HCN1: variants seen among roughly 807,000 people sequenced by gnomAD.
HCN1 encodes the protein hyperpolarization activated cyclic nucleotide gated potassium channel 1.
HCN1 carries 13 observed loss-of-function variants against 78.9 expected under a neutral mutation model. That is an observed-to-expected ratio of 0.16 (90% CI 0.11 to 0.26). HCN1 has a LOEUF of 0.26. Among genes scored for constraint, HCN1 ranks in the 10% least tolerant of loss-of-function variants. The probability of loss-of-function intolerance (pLI) is 1.00; values close to 1 mark genes in which losing one functional copy is unlikely to be tolerated. For synonymous variants in HCN1, 552 were observed against 455.5 expected (o/e 1.21, Z -2.70); for missense variants, 810 against 1,154.3 (o/e 0.70, Z 4.32).
chr5:45,330,817 T>C (rs970349998), intron 5 of HCN1, among the ~76,000 whole-genome samples: 1 of 151,094 alleles, frequency 6.6e-6, no homozygotes, highest in Admixed American at 6.6e-5. Flanking sequence ...TTCAAATATA[T>C]TTTTACCTCA....
At chr5:45,473,911 T>G (rs1741460333) in intron 2 of HCN1, among the ~76,000 whole-genome samples, 1 of 151,926 alleles carries the variant, frequency 6.6e-6, no homozygotes, top group Non-Finnish European at 1.5e-5. Context: ...AATTAAAAAT[T>G]TGTAAGCCAC....
intron 1 of HCN1, among the ~76,000 whole-genome samples, chr5:45,678,404 CATTATT>C (rs1289420230): frequency 1.3e-5 from 2 of 151,870 alleles, no homozygotes. Context: ...AATTGTAATC[CATTATT>C]ATTATAATAA....
intron 3 of HCN1, among the ~76,000 whole-genome samples, chr5:45,445,758 G>GT (rs1740780116): frequency 1.3e-5 from 2 of 152,150 alleles, no homozygotes; most frequent in Admixed American, 1.3e-4. Context: ...AGACACCGCT[G>GT]CTGATACCCA....
chr5:45,532,500 AT>A (rs1383655860), intron 2 of HCN1, among the ~76,000 whole-genome samples: 1 of 152,180 alleles, frequency 6.6e-6, no homozygotes, highest in Non-Finnish European at 1.5e-5. Context: ...TTTACAGTCA[AT>A]TTTTTAACTA....
At chr5:45,274,710 T>G (rs1344258798) in intron 6 of HCN1, among the ~76,000 whole-genome samples, 2 of 152,204 alleles carry the variant, frequency 1.3e-5, no homozygotes, top group East Asian at 3.8e-4. Flanking sequence ...TTTCACCATC[T>G]CATAAACAAT....
chr5:45,408,040 GAA>G (rs925371912), intron 3 of HCN1, among the ~76,000 whole-genome samples: 1 of 152,046 alleles, frequency 6.6e-6, no homozygotes, highest in Non-Finnish European at 1.5e-5. Context: ...TACAGGGAAA[GAA>G]AATATTTTTA....
At chr5:45,385,753 C>T (rs181179980) in intron 4 of HCN1, among the ~76,000 whole-genome samples, 6 of 152,272 alleles carry the variant, frequency 3.9e-5, no homozygotes, top group East Asian at 1.9e-4. Context: ...ATGTAAGTTT[C>T]GGTGAATTGG....
rs563125439 is a variant in HCN1, at chr5:45,387,503, G to A, written c.1230+8989C>T. 3.3e-5 allele frequency among the ~76,000 whole-genome samples: 5 copies of A among 151,886 alleles called. No homozygotes were observed. In the South Asian group the frequency reaches 1.0e-3, roughly 32 times the overall value. The stretch of plus-strand genomic sequence containing the variant: ...ACAGTGATATCTTTGTTAATAAAGA[G>A]GATACATTTAACTAATGTTTTACTT... On this transcript the variant is annotated intron_variant, in intron 4 of 7. Transcript: ENST00000303230.
At chr5:45,603,286 T>A (rs1744661105) in intron 2 of HCN1, among the ~76,000 whole-genome samples, 1 of 152,054 alleles carries the variant, frequency 6.6e-6, no homozygotes, top group Admixed American at 6.6e-5. Context: ...TACTTTAAGA[T>A]ATATATGGAT....
At chr5:45,380,610 G>A (rs769199017) in intron 4 of HCN1, among the ~76,000 whole-genome samples, 14 of 152,040 alleles carry the variant, frequency 9.2e-5, no homozygotes, top group Middle Eastern at 3.4e-3. Flanking sequence ...TTTATGTTAC[G>A]TATGTTTTAT....
intron 3 of HCN1, among the ~76,000 whole-genome samples, chr5:45,452,255 C>T (rs1268822618): frequency 6.6e-6 from 1 of 151,246 alleles, no homozygotes; most frequent in South Asian, 2.1e-4. Flanking sequence ...TATTGATTAA[C>T]TCTTATTTGG....
chr5:45,416,962 G>T (rs188307429), intron 3 of HCN1, among the ~76,000 whole-genome samples: 1 of 151,806 alleles, frequency 6.6e-6, no homozygotes, highest in Non-Finnish European at 1.5e-5. Context: ...AATTTCCTAG[G>T]CTTCCTAGAA....
intron 2 of HCN1, among the ~76,000 whole-genome samples, chr5:45,472,014 A>T (rs188893053): frequency 6.6e-6 from 1 of 152,062 alleles, no homozygotes; most frequent in African/African-American, 2.4e-5. Flanking sequence ...GACATTCAAG[A>T]AATCTTTACG....
At chr5:45,410,733 G>A (rs1479082230) in intron 3 of HCN1, among the ~76,000 whole-genome samples, 3 of 152,044 alleles carry the variant, frequency 2.0e-5, no homozygotes. Context: ...ATCCCCTGCT[G>A]TGTAAGCCTG....
chr5:45,336,027 T>C (rs773530105), intron 5 of HCN1, among the ~76,000 whole-genome samples: 1 of 151,802 alleles, frequency 6.6e-6, no homozygotes, highest in Non-Finnish European at 1.5e-5. Flanking sequence ...GTACAGAAAA[T>C]CACAAAAAGG....
At chr5:45,491,945 A>G (rs763170456) in intron 2 of HCN1, among the ~76,000 whole-genome samples, 9 of 152,158 alleles carry the variant, frequency 5.9e-5, no homozygotes, top group Non-Finnish European at 1.2e-4. Context: ...TGTCATGTTA[A>G]CACTTATGAA....
At chr5:45,682,271 A>C (rs1232703564) in intron 1 of HCN1, among the ~76,000 whole-genome samples, 1 of 116,398 alleles carries the variant, frequency 8.6e-6, no homozygotes, top group Non-Finnish European at 1.8e-5. Context: ...ATATATATAT[A>C]CATATATATA....
In HCN1 at chr5:45,695,857, C is replaced by G. The variant is rs778950857; in HGVS notation, c.237G>C (p.Gly79=). The G allele has an allele frequency of 4.4e-6, 7 of 1,589,526 alleles. No individual in the cohort carries two copies. Among genetic ancestry groups the G allele is most frequent in the Non-Finnish European group, 6.0e-6 (7 of 1,173,286 alleles). ...GGGGCCCCTCGGCGTCTTCGAAGCC[C>G]CCCGCCGGCTCCTCGCCGCCGCCGC... ...GGGGGGEEPA[G]GFEDAEGPRR... is the part of the protein sequence containing the mutation. Residue 79 remains glycine (G), a synonymous_variant, in exon 1 of 8, where the codon GGG becomes GGC. Coordinates refer to ENST00000303230, the MANE Select transcript of HCN1 (RefSeq NM_021072.4).
intron 5 of HCN1, among the ~76,000 whole-genome samples, chr5:45,350,113 C>G (rs1334113504): frequency 6.6e-6 from 1 of 152,046 alleles, no homozygotes; most frequent in South Asian, 2.1e-4. Context: ...AACATTGATG[C>G]AAAAAGCCTC....
Sources: allele counts gnomAD v4.1 joint callset (sites outside exome capture counted in the v4.1 genomes callset), GRCh38; gene constraint gnomAD v4.1.1; transcripts MANE v1.5; gene names NCBI Gene and HGNC (gene_info 2026-07-23, HGNC 2026-07-21).